The following STAG3 variants were observed in gnomAD, a reference collection of about 807,000 sequenced individuals.
STAG3 encodes the protein cohesin subunit SA-3.
In STAG3, 101 loss-of-function variants were observed where a neutral mutation model predicts 160.7. That is an observed-to-expected ratio of 0.63 (90% confidence interval 0.54 to 0.74). The LOEUF (loss-of-function observed/expected upper bound fraction) is 0.74, where lower values mean the gene tolerates loss of function less well. STAG3 is among the 30% of genes least tolerant of loss of function. The pLI is 0.00. For missense variants in STAG3, 1,188 were observed against 1,517.4 expected (o/e 0.78, Z 3.61); for synonymous variants, 519 against 585.0 (o/e 0.89, Z 1.63).
At position 100,202,298 on chromosome 7, in the gene STAG3, C is replaced by T. The variant is rs201079971; in HGVS notation, c.2521C>T (p.Leu841Phe). 85 of 1,614,154 alleles carry T rather than the reference C, an allele frequency of 5.3e-5. No homozygotes were observed. Among genetic ancestry groups the T allele is most frequent in the Non-Finnish European group, 8.5e-7 (1 of 1,180,028 alleles). ...TCTCCAGTCTGAGCTAGCCAGCTTC[C>T]TCATGGACCACGTCTTCATCCAGCC... ...ATLQSELASF[L>F]MDHVFIQPGD... The change falls in exon 24 of 34, where the codon CTC becomes TTC. Residue 841 changes from leucine to phenylalanine, a missense_variant. Leu to Phe is a conservative substitution (Grantham distance 22). Around this residue, in one of 4 missense-constraint regions of STAG3, gnomAD observed 647 missense variants for 717.2 expected, o/e 0.90. Coordinates refer to ENST00000615138, the MANE Select transcript of STAG3 (RefSeq NM_001282717.2).
chr7:100,191,858 A>C (rs1800363310), intron 8 of STAG3, among the ~76,000 whole-genome samples: 1 of 152,232 alleles, frequency 6.6e-6, no homozygotes, highest in Non-Finnish European at 1.5e-5. Context: ...AACAAGAGTC[A>C]ATTCTCTCAA....
At chr7:100,188,378 C>G in intron 5 of STAG3, 75 bp from the exon 6 acceptor site, 1 of 993,316 alleles carries the variant, frequency 1.0e-6, no homozygotes, top group East Asian at 2.4e-5. Flanking sequence ...CCTTGCTCAT[C>G]TTCAGGTATA....
At chr7:100,182,276 G>A (rs761426606) in intron 3 of STAG3, 84 bp downstream of exon 3, 19 of 980,578 alleles carry the variant, frequency 1.9e-5, no homozygotes, top group East Asian at 2.7e-5. Flanking sequence ...GGAGAATGGC[G>A]TGAACCCAGG....
Position 100,204,723 on chromosome 7 carries a change from A to G in STAG3, c.2899A>G (p.Ser967Gly). The G allele has an allele frequency of 6.2e-7, 1 of 1,613,776 alleles. No homozygotes were observed. The highest frequency in any genetic ancestry group is 8.5e-7 in the Non-Finnish European group (1 of 1,179,950). Reference protein sequence around the residue: ...MRDLARRFALSFGPQQLQNRD... With the variant: ...MRDLARRFALGFGPQQLQNRD... The stretch of plus-strand genomic sequence containing the variant: ...GGACCTGGCCCGGAGGTTTGCCTTG[A>G]GTTTTGGACCCCAGCAGCTGCAGAA... Residue 967 changes from serine to glycine, a missense_variant, in exon 27 of 34, where the codon AGT becomes GGT. Coordinates refer to ENST00000615138, the MANE Select transcript of STAG3 (RefSeq NM_001282717.2).
chr7:100,195,295 T>C lies in STAG3; in HGVS notation c.868-14T>C. The stretch of plus-strand genomic sequence containing the variant: ...GGTACAAGAAAGATTAACCCGTTTC[T>C]CCCTGTCCTCCAGCTCCAAGAGCAT... On this transcript the variant is annotated splice_polypyrimidine_tract_variant and intron_variant, in intron 8 of 33. Coordinates refer to ENST00000615138, the MANE Select transcript of STAG3 (RefSeq NM_001282717.2). 8 of 1,613,538 alleles carry C rather than the reference T, an allele frequency of 5.0e-6. No homozygotes were observed. The highest frequency in any genetic ancestry group is 6.8e-6 in the Non-Finnish European group (8 of 1,179,444).
chr7:100,204,491 G>C, intron 26 of STAG3, 136 bp from the exon 27 acceptor site: 1 of 1,095,696 alleles, frequency 9.1e-7, no homozygotes. Flanking sequence ...GAGTTCCCTA[G>C]AAGGAAGGAA....
chr7:100,211,371 G>A (rs1410830909), intron 30 of STAG3, 64 bp from the exon 31 acceptor site: 6 of 1,562,780 alleles, frequency 3.8e-6, no homozygotes, highest in Non-Finnish European at 5.3e-6. Context: ...ATTAACACCA[G>A]CTGCCTTACA....
Position 100,204,756 on chromosome 7 carries a change from C to T in STAG3, c.2932C>T (p.Leu978Phe). The T allele has an allele frequency of 1.9e-6, 3 of 1,613,818 alleles. No individual in the cohort carries two copies. Among genetic ancestry groups the T allele is most frequent in the Non-Finnish European group, 2.5e-6 (3 of 1,179,960 alleles). ...ACCCCAGCAGCTGCAGAACCGTGAC[C>T]TCGTGGTCATGCTACACAAGTAGGA... The part of the protein sequence containing the change: ...FGPQQLQNRD[L>F]VVMLHKEGIQ... Residue 978 changes from leucine (L) to phenylalanine (F), a missense_variant, in exon 27 of 34, where the codon CTC becomes TTC. Around this residue, in one of 4 missense-constraint regions of STAG3, gnomAD observed 647 missense variants for 717.2 expected, o/e 0.90. Coordinates refer to ENST00000615138, the MANE Select transcript of STAG3 (RefSeq NM_001282717.2).
intron 5 of STAG3, among the ~76,000 whole-genome samples, chr7:100,187,029 TG>T (rs1800047026): frequency 1.3e-5 from 2 of 151,574 alleles, no homozygotes; most frequent in African/African-American, 4.9e-5. Context: ...GTCTTTGTTT[TG>T]TTTTTTTTTG....
At chr7:100,179,733 C>CTTAT (rs1011303342) in intron 1 of STAG3, among the ~76,000 whole-genome samples, 2 of 151,896 alleles carry the variant, frequency 1.3e-5, no homozygotes, top group African/African-American at 2.4e-5. Flanking sequence ...AGCTCTTTGT[C>CTTAT]TTATTTATTT....
chr7:100,186,321 A>C, intron 5 of STAG3, 25 bp downstream of exon 5: 1 of 1,577,202 alleles, frequency 6.3e-7, no homozygotes, highest in Non-Finnish European at 8.7e-7. Flanking sequence ...CCCCCTTTCT[A>C]ATTCCCAGCC....
chr7:100,193,970 C>T (rs1310102542), intron 8 of STAG3, among the ~76,000 whole-genome samples: 5 of 128,704 alleles, frequency 3.9e-5, no homozygotes, highest in South Asian at 2.5e-4. Context: ...CTTTTTCAGA[C>T]GGAGTCTCAC....
Position 100,213,996 on chromosome 7 carries a change from T to G in STAG3, c.3673-11T>G, listed in dbSNP as rs1802541964. 2 of 1,614,040 alleles carry G rather than the reference T, an allele frequency of 1.2e-6. No homozygotes were observed. Among genetic ancestry groups the G allele is most frequent in the South Asian group, 2.2e-5 (2 of 91,078 alleles). ...GTGTCCTGTGTATTCCTTTCATCTT[T>G]CTCATTATAGGATTTCTGACAGGAC... is the stretch of plus-strand genomic sequence containing the variant. On this transcript the variant is annotated splice_polypyrimidine_tract_variant and intron_variant, in intron 33 of 33. Coordinates refer to ENST00000615138, the MANE Select transcript of STAG3 (RefSeq NM_001282717.2).
chr7:100,213,864 T>G lies in STAG3; in HGVS notation c.3672+58T>G, dbSNP rs375579383. 4.0e-4 allele frequency: 647 copies of G among 1,613,840 alleles called. 10 individuals carry two copies. The South Asian group carries it at 6.6e-3, about 16-fold the overall frequency. ...TTCGGAAATGCTGGCAGGCAACCCGTGCACTCATCAAATTGACAGGCCATA... is the reference window on the plus strand; with the variant it reads ...TTCGGAAATGCTGGCAGGCAACCCGGGCACTCATCAAATTGACAGGCCATA... On this transcript the variant is annotated intron_variant, in intron 33 of 33. Coordinates refer to ENST00000615138, the MANE Select transcript of STAG3 (RefSeq NM_001282717.2).
In STAG3 at chr7:100,202,204, CT is replaced by C; in HGVS notation, c.2430del (p.Phe810LeufsTer5). On this transcript the variant is annotated frameshift_variant, in exon 24 of 34. Coordinates refer to ENST00000615138, the MANE Select transcript of STAG3 (RefSeq NM_001282717.2). LOFTEE classifies it high-confidence loss of function. ...FVLLSDLLLI[F>X]SPQMIVGGRD... ...TCTTATTAAGTGATCTACTTCTCAT[CT>C]TTAGCCCTCAGATGATTGTTGGGGG... is the stretch of plus-strand genomic sequence containing the variant. 1 of 1,614,060 alleles carries C rather than the reference CT, an allele frequency of 6.2e-7. No individual in the cohort carries two copies. The highest frequency in any genetic ancestry group is 1.1e-5 in the South Asian group (1 of 91,064).
chr7:100,205,136 A>C lies in STAG3; in HGVS notation c.3080+3A>C. 1.2e-6 allele frequency: 2 copies of C among 1,614,040 alleles called. No homozygotes were observed. Among genetic ancestry groups the C allele is most frequent in the Non-Finnish European group, 8.5e-7 (1 of 1,179,966 alleles). Reference sequence around the variant, plus strand: ...TTCCATCAGGACAAGCAGCTTTTGTAAGTTGGTGGGTGGATAGAGATGTGG... The same window carrying C: ...TTCCATCAGGACAAGCAGCTTTTGTCAGTTGGTGGGTGGATAGAGATGTGG... On this transcript the variant is annotated splice_donor_region_variant and intron_variant, in intron 28 of 33. Coordinates refer to ENST00000615138, the MANE Select transcript of STAG3 (RefSeq NM_001282717.2).
At chr7:100,205,428 G>A (rs777648269) in intron 29 of STAG3, 44 bp downstream of exon 29, 8 of 1,540,248 alleles carry the variant, frequency 5.2e-6, no homozygotes, top group African/African-American at 2.8e-5. Context: ...GCAGGTGGTC[G>A]TTGGCTGCCT....
At chr7:100,208,702 A>G (rs527290595) in intron 29 of STAG3, among the ~76,000 whole-genome samples, 7 of 152,352 alleles carry the variant, frequency 4.6e-5, no homozygotes, top group Non-Finnish European at 1.0e-4. Flanking sequence ...TTATTCATTC[A>G]ATAGATACTG....
chr7:100,202,330 C>G lies in STAG3; in HGVS notation c.2553C>G (p.Asp851Glu). 6.2e-7 allele frequency: 1 copy of G among 1,614,062 alleles called. No individual in the cohort carries two copies. The highest frequency in any genetic ancestry group is 1.7e-5 in the Admixed American group (1 of 60,020). ...ACCACGTCTTCATCCAGCCGGGAGA[C>G]CTGGGCAGTGGTGCAGTGACTCTAT... ...LMDHVFIQPGDLGSGDSQEDH... is the reference protein window; with the variant it reads ...LMDHVFIQPGELGSGDSQEDH... The change falls in exon 24 of 34, where the codon GAC becomes GAG. Residue 851 changes from aspartate to glutamate, a missense_variant. This residue lies in a region of STAG3 where 647 missense variants were observed against 717.2 expected (regional missense o/e 0.90). Transcript: ENST00000615138.
Sources: allele counts gnomAD v4.1 joint callset (sites outside exome capture counted in the v4.1 genomes callset), GRCh38; gene constraint gnomAD v4.1.1; regional missense constraint gnomAD v4.1.1; transcripts MANE v1.5; gene names NCBI Gene and HGNC (gene_info 2026-07-23, HGNC 2026-07-21).